The following LDB2 variants were observed in gnomAD, a reference collection of about 807,000 sequenced individuals.
The protein encoded by LDB2 is LIM domain binding 2, also known as LIM domain-binding protein 2.
A neutral mutation model predicts 44.3 loss-of-function variants in LDB2; 12 were observed. The observed-to-expected ratio is 0.27, with a 90% CI of 0.17 to 0.44. LDB2 has a LOEUF of 0.44. Among genes scored for constraint, LDB2 ranks in the 20% least tolerant of loss-of-function variants. The probability of loss-of-function intolerance (pLI) is 1.00; values close to 1 mark genes in which losing one functional copy is unlikely to be tolerated. For missense variants in LDB2, 344 were observed against 473.5 expected, an observed-to-expected ratio of 0.73 and a Z score of 2.54; for synonymous variants, 164 against 174.8, an observed-to-expected ratio of 0.94 and a Z score of 0.49.
intron 1 of LDB2, among the ~76,000 whole-genome samples, chr4:16,784,782 C>G (rs1054862378): frequency 1.3e-5 from 2 of 152,198 alleles, no homozygotes; most frequent in African/African-American, 4.8e-5. Flanking sequence ...CTCCCAACAA[C>G]TCTATCCTCT....
intron 5 of LDB2, among the ~76,000 whole-genome samples, chr4:16,551,090 T>C (rs1421966035): frequency 1.3e-5 from 2 of 152,214 alleles, no homozygotes; most frequent in East Asian, 3.9e-4. Flanking sequence ...AATGTATACA[T>C]GCATAATTAT....
chr4:16,602,667 A>G (rs1324178499), intron 2 of LDB2, among the ~76,000 whole-genome samples: 2 of 152,128 alleles, frequency 1.3e-5, no homozygotes, highest in Admixed American at 1.3e-4. Context: ...AAAATTTTTG[A>G]TCCTCTTATA....
intron 2 of LDB2, among the ~76,000 whole-genome samples, chr4:16,720,194 G>A (rs1387802416): frequency 6.6e-6 from 1 of 151,026 alleles, no homozygotes; most frequent in African/African-American, 2.4e-5. Flanking sequence ...AAAGTATTTT[G>A]TAGATGTGAT....
intron 2 of LDB2, among the ~76,000 whole-genome samples, chr4:16,663,122 G>T (rs1398017146): frequency 6.6e-6 from 1 of 151,902 alleles, no homozygotes; most frequent in Non-Finnish European, 1.5e-5. Context: ...TACTTCCTTT[G>T]GTTCTCACAG....
chr4:16,867,775 A>G (rs1455795013), intron 1 of LDB2, among the ~76,000 whole-genome samples: 1 of 152,218 alleles, frequency 6.6e-6, no homozygotes, highest in African/African-American at 2.4e-5. Context: ...GCTGCACTCC[A>G]AGACACTTCA....
At chr4:16,602,650 C>T (rs1275518822) in intron 2 of LDB2, among the ~76,000 whole-genome samples, 1 of 152,158 alleles carries the variant, frequency 6.6e-6, no homozygotes, top group South Asian at 2.1e-4. Flanking sequence ...GGTCTCAAAA[C>T]ACCATGAAAA....
At chr4:16,876,919 T>C (rs112903436) in intron 1 of LDB2, among the ~76,000 whole-genome samples, 5 of 146,332 alleles carry the variant, frequency 3.4e-5, no homozygotes, top group Non-Finnish European at 4.4e-5. Flanking sequence ...TTTTTTTTTT[T>C]CCTTAGAGAC....
chr4:16,738,926 T>A (rs1403887036), intron 2 of LDB2, among the ~76,000 whole-genome samples: 1 of 152,198 alleles, frequency 6.6e-6, no homozygotes, highest in Admixed American at 6.5e-5. Context: ...AGTTTAAAAC[T>A]CTGGGCCCAA....
Position 16,588,843 on chromosome 4 carries a change from CA to C in LDB2, c.409-12del, listed in dbSNP as rs1308935726. 2.5e-6 allele frequency: 4 copies of C among 1,612,178 alleles called. No homozygotes were observed. The highest frequency in any genetic ancestry group is 3.4e-6 in the Non-Finnish European group (4 of 1,179,416). On this transcript the variant is annotated splice_polypyrimidine_tract_variant and intron_variant, in intron 3 of 7. Transcript: ENST00000304523. ...GCCTTCTGTACATACCTGGAAGTGA[CA>C]AACCACACAGTCATTCATTACGCAC...
chr4:16,762,706 G>C (rs916451467), intron 1 of LDB2, among the ~76,000 whole-genome samples: 1 of 152,028 alleles, frequency 6.6e-6, no homozygotes, highest in South Asian at 2.1e-4. Context: ...ATTTGGGTGG[G>C]GACACAGCCA....
intron 1 of LDB2, among the ~76,000 whole-genome samples, chr4:16,787,299 T>C (rs1043145356): frequency 6.6e-6 from 1 of 151,980 alleles, no homozygotes; most frequent in African/African-American, 2.4e-5. Context: ...GGAATGCCAA[T>C]AATAAATAGG....
rs1055455880 is a variant in LDB2, at chr4:16,611,044, G to A, written c.236-15169C>T. ...AGCAGAAACTCTACAAGCCAGAAGA[G>A]ATTGGAGGCCAATATTCAACACTAT... On this transcript the variant is annotated intron_variant, in intron 2 of 7. Coordinates refer to ENST00000304523, the MANE Select transcript of LDB2 (RefSeq NM_001290.5). 4.6e-5 allele frequency among the ~76,000 whole-genome samples: 7 copies of A among 152,198 alleles called. No individual in the cohort carries two copies. In the South Asian group the frequency reaches 1.4e-3, roughly 31 times the overall value.
At chr4:16,680,155 G>C (rs919314540) in intron 2 of LDB2, among the ~76,000 whole-genome samples, 5 of 152,138 alleles carry the variant, frequency 3.3e-5, no homozygotes, top group Non-Finnish European at 7.4e-5. Flanking sequence ...GTCATGCCGG[G>C]ATACAGCAAG....
intron 1 of LDB2, among the ~76,000 whole-genome samples, chr4:16,797,812 G>A (rs1450900927): frequency 4.0e-5 from 6 of 151,634 alleles, no homozygotes; most frequent in South Asian, 2.1e-4. Context: ...CGAGGTGAGC[G>A]GATCACAAGG....
intron 3 of LDB2, among the ~76,000 whole-genome samples, chr4:16,591,327 G>A (rs145991521): frequency 6.6e-6 from 1 of 152,134 alleles, no homozygotes; most frequent in African/African-American, 2.4e-5. Context: ...TGTGTCCTTT[G>A]TTCACGGTAA....
chr4:16,721,192 C>T (rs1024461451), intron 2 of LDB2, among the ~76,000 whole-genome samples: 2 of 152,114 alleles, frequency 1.3e-5, no homozygotes, highest in African/African-American at 4.8e-5. Context: ...AATCAATGAA[C>T]CTTATCTTTC....
intron 2 of LDB2, chr4:16,674,204 G>C (rs1745654731): frequency 1.6e-6 from 2 of 1,275,590 alleles, no homozygotes; most frequent in Non-Finnish European, 2.0e-6. Context: ...AGGTACCTTT[G>C]GTCAAACAGA....
At chr4:16,557,081 A>T (rs886180975) in intron 5 of LDB2, among the ~76,000 whole-genome samples, 12 of 152,130 alleles carry the variant, frequency 7.9e-5, no homozygotes, top group African/African-American at 2.7e-4. Flanking sequence ...ATAGATCTCG[A>T]TATAGGAGGA....
At chr4:16,717,281 G>A (rs1757274066) in intron 2 of LDB2, among the ~76,000 whole-genome samples, 1 of 151,952 alleles carries the variant, frequency 6.6e-6, no homozygotes, top group African/African-American at 2.4e-5. Flanking sequence ...GACTCCGCAG[G>A]GGAAACAATA....
Sources: gnomAD v4.1 joint callset for allele counts (sites outside exome capture counted in the v4.1 genomes callset) on GRCh38, gnomAD v4.1.1 for gene constraint, MANE v1.5 for transcripts, NCBI Gene and HGNC (gene_info 2026-07-23, HGNC 2026-07-21) for gene names.